The following TENM3 variants were observed in gnomAD, a reference collection of about 807,000 sequenced individuals.
TENM3 encodes the protein teneurin transmembrane protein 3.
Under a neutral mutation model 255.1 loss-of-function variants are expected in TENM3, and 63 were observed. The ratio of observed to expected loss-of-function variants is 0.25; its 90% CI spans 0.20 to 0.30. The LOEUF (loss-of-function observed/expected upper bound fraction) is 0.30. Among genes scored for constraint, TENM3 ranks in the 10% least tolerant of loss-of-function variants. The pLI is 1.00. For synonymous variants in TENM3, 1,306 were observed against 1,322.3 expected, an observed-to-expected ratio of 0.99 and a Z score of 0.27; for missense variants, 2,929 against 3,461.1, an observed-to-expected ratio of 0.85 and a Z score of 3.86.
chr4:182,089,258 A>G, the TENM3 span, among the ~76,000 whole-genome samples: 1 of 152,228 alleles, frequency 6.6e-6, no homozygotes, highest in Non-Finnish European at 1.5e-5. Flanking sequence ...AATCTTAGGC[A>G]CAGAGATTTT....
intron 6 of TENM3, among the ~76,000 whole-genome samples, chr4:182,654,497 G>A (rs755402662): frequency 2.0e-5 from 3 of 151,858 alleles, no homozygotes; most frequent in South Asian, 4.1e-4. Context: ...GTACACTTAC[G>A]TTACAAATAG....
chr4:181,493,889 C>G, the TENM3 span, among the ~76,000 whole-genome samples: 1 of 152,268 alleles, frequency 6.6e-6, no homozygotes, highest in African/African-American at 2.4e-5. Context: ...CTCCATACCT[C>G]TATTTACCAT....
intron 3 of TENM3, among the ~76,000 whole-genome samples, chr4:182,517,544 C>T (rs6831266): frequency 0.32 from 45,956 of 145,750 alleles, 9,654 homozygotes; most frequent in Non-Finnish European, 0.38. Context: ...CTACCACGCC[C>T]GGCTAATTTT....
chr4:182,638,369 T>A (rs1304163192), intron 5 of TENM3, among the ~76,000 whole-genome samples: 1 of 152,214 alleles, frequency 6.6e-6, no homozygotes, highest in East Asian at 1.9e-4. Context: ...GTATCCTACA[T>A]CGCAAAAGCT....
chr4:181,567,986 G>GA, the TENM3 span, among the ~76,000 whole-genome samples: 49 of 150,372 alleles, frequency 3.3e-4, no homozygotes, highest in Admixed American at 1.1e-3. Context: ...GATGAAAACA[G>GA]AAAAAAAAAT....
chr4:182,043,058 T>A, the TENM3 span, among the ~76,000 whole-genome samples: 2 of 152,186 alleles, frequency 1.3e-5, no homozygotes, highest in African/African-American at 4.8e-5. Flanking sequence ...ACTATTGTTT[T>A]ATTTTAATAT....
chr4:181,897,345 GA>G, the TENM3 span, among the ~76,000 whole-genome samples: 7 of 152,136 alleles, frequency 4.6e-5, no homozygotes, highest in Non-Finnish European at 5.9e-5. Context: ...CAGATATAAA[GA>G]CATACTAAAG....
At chr4:181,885,551 G>A in the TENM3 span, among the ~76,000 whole-genome samples, 2 of 152,060 alleles carry the variant, frequency 1.3e-5, no homozygotes, top group South Asian at 2.1e-4. Context: ...GTGAGCCACC[G>A]CGCCTGGCCG....
chr4:182,468,149 G>C (rs920870380), intron 3 of TENM3, among the ~76,000 whole-genome samples: 6 of 152,208 alleles, frequency 3.9e-5, no homozygotes, highest in Admixed American at 2.0e-4. Flanking sequence ...CACTTGGGGA[G>C]TCTGAGGTGG....
chr4:182,447,989 G>C (rs570522428), intron 3 of TENM3, among the ~76,000 whole-genome samples: 1 of 152,354 alleles, frequency 6.6e-6, no homozygotes, highest in African/African-American at 2.4e-5. Context: ...GTGATGCAAT[G>C]TTGAAGTATG....
chr4:182,567,376 C>T (rs4862079), intron 3 of TENM3, among the ~76,000 whole-genome samples: 55,257 of 152,018 alleles, frequency 0.36, 11,047 homozygotes, highest in Middle Eastern at 0.49. Context: ...ATGCCCACCA[C>T]GTCTGTTCTC....
the TENM3 span, among the ~76,000 whole-genome samples, chr4:182,129,953 CT>C: frequency 2.6e-5 from 4 of 152,154 alleles, no homozygotes; most frequent in South Asian, 8.3e-4. Context: ...GTATACAAAT[CT>C]ATATTGAGTT....
chr4:181,479,475 A>T, the TENM3 span, among the ~76,000 whole-genome samples: 1 of 152,192 alleles, frequency 6.6e-6, no homozygotes, highest in Non-Finnish European at 1.5e-5. Flanking sequence ...AGTTAAAATC[A>T]CTTTATTAAA....
intron 6 of TENM3, among the ~76,000 whole-genome samples, chr4:182,658,072 A>G (rs1008681168): frequency 2.0e-5 from 3 of 152,050 alleles, no homozygotes; most frequent in African/African-American, 7.2e-5. Flanking sequence ...GTCCTCCTCT[A>G]CCTTCACCAC....
At chr4:182,234,656 T>C (rs547551324) in intron 1 of TENM3, among the ~76,000 whole-genome samples, 6 of 151,858 alleles carry the variant, frequency 4.0e-5, no homozygotes, top group Non-Finnish European at 5.9e-5. Flanking sequence ...CACTTGAACC[T>C]AGGAGGCGGA....
chr4:182,796,805 G>A, intron 27 of TENM3, 38 bp downstream of exon 27: 2 of 1,542,248 alleles, frequency 1.3e-6, no homozygotes, highest in South Asian at 2.4e-5. Context: ...GTGATAAGTA[G>A]CTTGTGTCTT....
At chr4:181,708,079 A>G in the TENM3 span, among the ~76,000 whole-genome samples, 1 of 152,182 alleles carries the variant, frequency 6.6e-6, no homozygotes, top group Non-Finnish European at 1.5e-5. Context: ...ATTTCATTCC[A>G]GAAAGTATAT....
chr4:182,562,634 T>C (rs935672512), intron 3 of TENM3, among the ~76,000 whole-genome samples: 23 of 152,172 alleles, frequency 1.5e-4, no homozygotes, highest in Admixed American at 5.2e-4. Flanking sequence ...TTCATCTGAC[T>C]GAACACCCTG....
At chr4:182,629,683 A>G (rs1751167914) in intron 5 of TENM3, among the ~76,000 whole-genome samples, 1 of 152,206 alleles carries the variant, frequency 6.6e-6, no homozygotes, top group Non-Finnish European at 1.5e-5. Flanking sequence ...TTTGTGGTTT[A>G]TCCACCAAGA....
Sources: gnomAD v4.1 joint callset for allele counts (sites outside exome capture counted in the v4.1 genomes callset) on GRCh38, gnomAD v4.1.1 for gene constraint, MANE v1.5 for transcripts, NCBI Gene and HGNC (gene_info 2026-07-23, HGNC 2026-07-21) for gene names.